The following NFIB variants were observed in gnomAD, a reference collection of about 807,000 sequenced individuals.
NFIB encodes the protein nuclear factor 1 B-type.
NFIB carries 11 observed loss-of-function variants against 61.5 expected under a neutral mutation model. That is an observed-to-expected ratio of 0.18 (90% CI 0.11 to 0.30). NFIB has a LOEUF of 0.30. NFIB is among the 10% of genes least tolerant of loss of function. The pLI is 1.00. For missense variants in NFIB, 471 were observed against 608.9 expected (o/e 0.77, Z 2.38); for synonymous variants, 260 against 216.5 (o/e 1.20, Z -1.76).
At chr9:14,220,452 G>C (rs2051499436) in intron 2 of NFIB, among the ~76,000 whole-genome samples, 1 of 152,126 alleles carries the variant, frequency 6.6e-6, no homozygotes, top group South Asian at 2.1e-4. Flanking sequence ...TTATTGAGAG[G>C]CATCTTTACC....
chr9:14,392,684 C>T (rs775384770), intron 1 of NFIB, among the ~76,000 whole-genome samples: 1 of 151,098 alleles, frequency 6.6e-6, no homozygotes, highest in Non-Finnish European at 1.5e-5. Context: ...TGTGCCACTG[C>T]ATGATAACAA....
At chr9:14,297,963 T>C (rs1274852650) in intron 2 of NFIB, among the ~76,000 whole-genome samples, 1 of 152,078 alleles carries the variant, frequency 6.6e-6, no homozygotes, top group African/African-American at 2.4e-5. Context: ...GCACATGAGG[T>C]TTTCATGAAG....
rs1049894000 is a variant in NFIB, at chr9:14,082,552, AT to A, written c.*5756del. On this transcript the variant is annotated 3_prime_UTR_variant, in exon 11 of 11. Coordinates refer to ENST00000380953, the MANE Select transcript of NFIB (RefSeq NM_001190737.2). ...CCTCACATTCTACAATGTTGTAGAGATTTTTTTTCCCAAGAAAATGTCATTT... is the reference window on the plus strand; with the variant it reads ...CCTCACATTCTACAATGTTGTAGAGATTTTTTTCCCAAGAAAATGTCATTT... The A allele has an allele frequency of 3.9e-5, 8 of 207,312 alleles. No individual in the cohort carries two copies. Among genetic ancestry groups the A allele is most frequent in the East Asian group, 1.5e-4 (2 of 13,608 alleles). 12.8% of individuals were successfully genotyped at this position (207,312 alleles called of 1,614,324 possible).
At chr9:14,182,752 G>A (rs992425361) in intron 2 of NFIB, among the ~76,000 whole-genome samples, 4 of 144,444 alleles carry the variant, frequency 2.8e-5, no homozygotes, top group East Asian at 2.1e-4. Context: ...GTGTGTGTGT[G>A]TGTGTGTATT....
intron 10 of NFIB, among the ~76,000 whole-genome samples, chr9:14,108,480 C>T (rs1261756710): frequency 6.6e-6 from 1 of 152,004 alleles, no homozygotes; most frequent in African/African-American, 2.4e-5. Flanking sequence ...ATGAGAAGTA[C>T]TTTCAAATTC....
At chr9:14,327,873 T>C (rs2060774221) in intron 1 of NFIB, among the ~76,000 whole-genome samples, 1 of 151,926 alleles carries the variant, frequency 6.6e-6, no homozygotes. Context: ...ACAAACAAAG[T>C]TGGGAAAATT....
the NFIB span, among the ~76,000 whole-genome samples, chr9:14,531,449 AAATTAAGGCAAAG>A: frequency 6.6e-6 from 1 of 152,210 alleles, no homozygotes; most frequent in African/African-American, 2.4e-5. Context: ...GGTGGATTCC[AAATTAAGGCAAAG>A]CGTGGGGGAC....
intron 2 of NFIB, among the ~76,000 whole-genome samples, chr9:14,207,563 G>T (rs1387802471): frequency 6.6e-6 from 1 of 152,208 alleles, no homozygotes; most frequent in Non-Finnish European, 1.5e-5. Context: ...GGCATGAGCA[G>T]CTCCGTGCAG....
intron 1 of NFIB, among the ~76,000 whole-genome samples, chr9:14,337,127 G>C (rs1348542249): frequency 6.6e-6 from 1 of 152,186 alleles, no homozygotes; most frequent in African/African-American, 2.4e-5. Flanking sequence ...TATTTGGCTT[G>C]TGGGTGATAG....
intron 1 of NFIB, among the ~76,000 whole-genome samples, chr9:14,347,659 C>T (rs1476390887): frequency 1.3e-5 from 2 of 152,092 alleles, no homozygotes; most frequent in African/African-American, 2.4e-5. Context: ...TCGGTCAGGT[C>T]CGCCCAAGGT....
the NFIB span, among the ~76,000 whole-genome samples, chr9:14,506,992 C>G: frequency 1.3e-5 from 2 of 152,176 alleles, no homozygotes; most frequent in Non-Finnish European, 1.5e-5. Flanking sequence ...AGCATATCTA[C>G]AGGCGACACC....
intron 2 of NFIB, among the ~76,000 whole-genome samples, chr9:14,228,237 CA>C (rs895210206): frequency 5.4e-4 from 80 of 149,370 alleles, no homozygotes; most frequent in African/African-American, 2.0e-3. Context: ...CACTGTCATC[CA>C]GGCAGGAGTG....
At chr9:14,376,517 C>CTTTT (rs781462864) in intron 1 of NFIB, among the ~76,000 whole-genome samples, 1 of 128,426 alleles carries the variant, frequency 7.8e-6, no homozygotes, top group Admixed American at 7.4e-5. Flanking sequence ...CTAAAAGTGT[C>CTTTT]ATTTTTTTTT....
the NFIB span, among the ~76,000 whole-genome samples, chr9:14,458,360 T>C: frequency 6.6e-6 from 1 of 152,166 alleles, no homozygotes; most frequent in African/African-American, 2.4e-5. Context: ...ATTGATGGGA[T>C]GTATCTCAAA....
intron 10 of NFIB, among the ~76,000 whole-genome samples, chr9:14,107,496 CATAAG>C (rs981941215): frequency 3.3e-5 from 5 of 151,996 alleles, no homozygotes; most frequent in Non-Finnish European, 5.9e-5. Context: ...AACCATAAAT[CATAAG>C]ATAAGTATTA....
At chr9:14,126,215 C>A (rs568611347) in intron 6 of NFIB, among the ~76,000 whole-genome samples, 1 of 152,336 alleles carries the variant, frequency 6.6e-6, no homozygotes, top group Admixed American at 6.5e-5. Flanking sequence ...TTATGGAAAA[C>A]TCATTCACTT....
the NFIB span, among the ~76,000 whole-genome samples, chr9:14,441,784 C>A: frequency 5.3e-4 from 80 of 152,196 alleles, no homozygotes; most frequent in South Asian, 1.0e-3. Flanking sequence ...TAGTTGCTAT[C>A]CATCCCTAGC....
the NFIB span, among the ~76,000 whole-genome samples, chr9:14,517,206 C>A: frequency 6.6e-6 from 1 of 152,234 alleles, no homozygotes; most frequent in Non-Finnish European, 1.5e-5. Context: ...CCAAGGCCCA[C>A]AGCTAACCTC....
At chr9:14,426,053 C>T in the NFIB span, among the ~76,000 whole-genome samples, 2 of 151,956 alleles carry the variant, frequency 1.3e-5, no homozygotes, top group African/African-American at 2.4e-5. Context: ...TTTACTCTGC[C>T]TTTTTTGGAA....
Sources: gnomAD v4.1 joint callset for allele counts (sites outside exome capture counted in the v4.1 genomes callset) on GRCh38, gnomAD v4.1.1 for gene constraint, MANE v1.5 for transcripts, NCBI Gene and HGNC (gene_info 2026-07-23, HGNC 2026-07-21) for gene names.